The following DNM3 variants were observed in gnomAD, a reference collection of about 807,000 sequenced individuals.
DNM3 encodes the protein dynamin-3.
Under a neutral mutation model 101.6 loss-of-function variants are expected in DNM3, and 47 were observed. The ratio of observed to expected loss-of-function variants is 0.46; its 90% CI spans 0.37 to 0.59. The LOEUF (loss-of-function observed/expected upper bound fraction) is 0.59, where lower values mean the gene tolerates loss of function less well. Among genes scored for constraint, DNM3 ranks in the 20% least tolerant of loss-of-function variants. DNM3 has a pLI of 0.00. For missense variants in DNM3, 849 were observed against 1,085.7 expected, an observed-to-expected ratio of 0.78 and a Z score of 3.06; for synonymous variants, 385 against 387.9, an observed-to-expected ratio of 0.99 and a Z score of 0.09.
At chr1:172,279,260 G>A (rs2063399206) in intron 15 of DNM3, among the ~76,000 whole-genome samples, 3 of 152,140 alleles carry the variant, frequency 2.0e-5, no homozygotes, top group Admixed American at 2.0e-4. Context: ...ATTTAATTGA[G>A]TAGATTTGGA....
rs1034280110 is a variant in DNM3 at position 171,847,246 on chromosome 1, T to TA, written c.161+5435dup. 2.1e-4 allele frequency among the ~76,000 whole-genome samples: 32 copies of TA among 152,334 alleles called. 1 individual carries two copies. The highest frequency in any genetic ancestry group is 1.3e-3 in the East Asian group (7 of 5,192). On this transcript the variant is annotated intron_variant, in intron 1 of 20. Coordinates refer to ENST00000627582, the MANE Select transcript of DNM3 (RefSeq NM_015569.5). ...CAGATATAATGCAAACTAATCAGGA[T>TA]AAAAAATTATAGTATGTCAATTTAT...
chr1:172,242,269 TC>T (rs760889128), intron 14 of DNM3, among the ~76,000 whole-genome samples: 19 of 152,280 alleles, frequency 1.2e-4, no homozygotes, highest in Non-Finnish European at 1.6e-4. Context: ...ATGTAGACTT[TC>T]ACTAAACTCT....
At chr1:172,037,554 T>G (rs1446441568) in intron 6 of DNM3, among the ~76,000 whole-genome samples, 2 of 152,218 alleles carry the variant, frequency 1.3e-5, no homozygotes, top group Non-Finnish European at 2.9e-5. Context: ...GACTTTTCTT[T>G]AACTGCATTG....
Position 172,412,028 on chromosome 1 carries a change from T to C in DNM3, c.*4187T>C. On this transcript the variant is annotated 3_prime_UTR_variant, in exon 21 of 21. Coordinates refer to ENST00000627582, the MANE Select transcript of DNM3 (RefSeq NM_015569.5). ...GAATATTTTTGAAGCATATGTAATA[T>C]ATGCACTGCTATTTGTGTGTGTGTG... is the stretch of plus-strand genomic sequence containing the variant. The C allele has an allele frequency of 1.5e-5, 15 of 981,908 alleles. No homozygotes were observed. The highest frequency in any genetic ancestry group is 1.8e-5 in the Non-Finnish European group (15 of 828,502). The allele number at this position is 981,908 out of a possible 1,614,324, so 60.8% of individuals were successfully genotyped here.
At chr1:172,085,866 T>C (rs1389585858) in intron 12 of DNM3, among the ~76,000 whole-genome samples, 2 of 152,208 alleles carry the variant, frequency 1.3e-5, no homozygotes, top group East Asian at 3.8e-4. Flanking sequence ...ATAATGTTTC[T>C]AGTTCCTAAT....
intron 14 of DNM3, among the ~76,000 whole-genome samples, chr1:172,244,962 T>C (rs182585346): frequency 6.6e-6 from 1 of 152,332 alleles, no homozygotes; most frequent in East Asian, 1.9e-4. Flanking sequence ...ATTATTCTGG[T>C]ATTCTCAATA....
At chr1:172,148,238 T>G (rs540190123) in intron 14 of DNM3, among the ~76,000 whole-genome samples, 2 of 152,170 alleles carry the variant, frequency 1.3e-5, no homozygotes, top group South Asian at 4.1e-4. Context: ...TTTATGTATT[T>G]AAACTTTTTT....
chr1:171,997,197 T>C (rs1009319263), intron 4 of DNM3, among the ~76,000 whole-genome samples: 1 of 152,168 alleles, frequency 6.6e-6, no homozygotes, highest in Non-Finnish European at 1.5e-5. Context: ...TTATATTTCA[T>C]AATTCAAACT....
chr1:172,034,655 C>T (rs982469010), intron 6 of DNM3, among the ~76,000 whole-genome samples: 1 of 151,754 alleles, frequency 6.6e-6, no homozygotes, highest in African/African-American at 2.4e-5. Flanking sequence ...TTTATTGCTT[C>T]AATAATATTT....
At chr1:172,253,178 T>G (rs1489274630) in intron 14 of DNM3, among the ~76,000 whole-genome samples, 2 of 152,072 alleles carry the variant, frequency 1.3e-5, no homozygotes, top group Admixed American at 1.3e-4. Flanking sequence ...TATTAACAGA[T>G]GGCTAAAGTC....
chr1:172,315,762 T>A (rs1222901274), intron 16 of DNM3, among the ~76,000 whole-genome samples: 1 of 152,192 alleles, frequency 6.6e-6, no homozygotes, highest in African/African-American at 2.4e-5. Context: ...CTGCGTCTGA[T>A]TGGTGTACCT....
chr1:172,418,261 T>C, intron 20 of DNM3: 1 of 1,288,378 alleles, frequency 7.8e-7, no homozygotes, highest in Admixed American at 2.3e-5. Context: ...TTTTGTTTTG[T>C]TTTGTTTTGT....
chr1:171,981,658 T>C (rs2044803575), intron 2 of DNM3, among the ~76,000 whole-genome samples: 1 of 152,252 alleles, frequency 6.6e-6, no homozygotes, highest in Non-Finnish European at 1.5e-5. Context: ...AGCTCTGATT[T>C]TTTAAATATT....
At chr1:172,225,785 C>A (rs1246752327) in intron 14 of DNM3, among the ~76,000 whole-genome samples, 1 of 151,824 alleles carries the variant, frequency 6.6e-6, no homozygotes, top group African/African-American at 2.4e-5. Context: ...AACATCTTAT[C>A]TCACCATTCA....
At chr1:171,846,771 C>T (rs1215475336) in intron 1 of DNM3, among the ~76,000 whole-genome samples, 1 of 152,166 alleles carries the variant, frequency 6.6e-6, no homozygotes, top group Non-Finnish European at 1.5e-5. Context: ...GTTTCTCACA[C>T]TCTCTGCATT....
chr1:171,899,379 A>G (rs1490620417), intron 1 of DNM3, among the ~76,000 whole-genome samples: 1 of 152,214 alleles, frequency 6.6e-6, no homozygotes, highest in Non-Finnish European at 1.5e-5. Context: ...TAAGGAAAGC[A>G]CTAGTTTTGA....
downstream of DNM3, among the ~76,000 whole-genome samples, chr1:172,414,751 TAAAAAAAAAA>T (rs11378822): frequency 1.0e-5 from 1 of 100,188 alleles, no homozygotes; most frequent in Non-Finnish European, 2.0e-5. Context: ...ACCTCATCTC[TAAAAAAAAAA>T]AAAAAAAAAG....
At position 172,409,371 on chromosome 1, in the gene DNM3, A is replaced by T; in HGVS notation, c.*1530A>T. 1 of 985,232 alleles carries T rather than the reference A, an allele frequency of 1.0e-6. No homozygotes were observed. The highest frequency in any genetic ancestry group is 1.2e-6 in the Non-Finnish European group (1 of 829,716). The allele number at this position is 985,232 out of a possible 1,614,324, so 61.0% of individuals were successfully genotyped here. A position where few individuals can be genotyped will look rare whatever the true frequency, so the allele number is the denominator to read the frequency against. On this transcript the variant is annotated 3_prime_UTR_variant, in exon 21 of 21. Transcript: ENST00000627582. Reference sequence around the variant, plus strand: ...CCCAGAGCAGATACTCATAAAGTATAAAGTAAAAACTTTTAACCATTATTA... The same window carrying T: ...CCCAGAGCAGATACTCATAAAGTATTAAGTAAAAACTTTTAACCATTATTA...
intron 1 of DNM3, among the ~76,000 whole-genome samples, chr1:171,857,910 G>A (rs2033781336): frequency 6.6e-6 from 1 of 151,824 alleles, no homozygotes; most frequent in Non-Finnish European, 1.5e-5. Context: ...AGGCACTGGA[G>A]AGCTCTCTCT....
Sources: gnomAD v4.1 joint callset for allele counts (sites outside exome capture counted in the v4.1 genomes callset) on GRCh38, gnomAD v4.1.1 for gene constraint, MANE v1.5 for transcripts, NCBI Gene and HGNC (gene_info 2026-07-23, HGNC 2026-07-21) for gene names.